Variants in IL7R observed in about 807,000 individuals in gnomAD.
IL7R encodes the protein interleukin-7 receptor subunit alpha.
A neutral mutation model predicts 47.0 loss-of-function variants in IL7R; 38 were observed. The ratio of observed to expected loss-of-function variants is 0.81; its 90% CI spans 0.62 to 1.06. IL7R has a LOEUF of 1.06. IL7R is among the 50% of genes least tolerant of loss of function. The pLI, the probability that IL7R is intolerant of heterozygous loss-of-function variation, is 0.00. For synonymous variants in IL7R, 221 were observed against 199.8 expected (o/e 1.11, Z -0.89); for missense variants, 633 against 534.8 (o/e 1.18, Z -1.81).
rs1366592704 is a variant in IL7R, at chr5:35,874,541, AG to A, written c.800+1del. ...VILACVLWKK[R>X]IKPIVWPSLP... Reference sequence around the variant, plus strand: ...CTTGGCCTGTGTGTTATGGAAAAAAAGGTGACCTTCTTCAACTAATAAAGAG... The same window carrying A: ...CTTGGCCTGTGTGTTATGGAAAAAAAGTGACCTTCTTCAACTAATAAAGAG... On this transcript the variant is annotated frameshift_variant and splice_region_variant, in exon 6 of 8. Coordinates refer to ENST00000303115, the MANE Select transcript of IL7R (RefSeq NM_002185.5). LOFTEE classifies it high-confidence loss of function. The A allele has an allele frequency of 1.2e-6, 2 of 1,604,768 alleles. No homozygotes were observed. The highest frequency in any genetic ancestry group is 2.7e-5 in the African/African-American group (2 of 74,708).
intron 2 of IL7R, among the ~76,000 whole-genome samples, chr5:35,862,001 A>C (rs917901403): frequency 2.0e-5 from 3 of 152,130 alleles, no homozygotes; most frequent in African/African-American, 7.2e-5. Context: ...ACAAGCCCTG[A>C]ATTCCAGTTT....
At chr5:35,861,272 C>A (rs73092050) in intron 2 of IL7R, among the ~76,000 whole-genome samples, 1 of 152,056 alleles carries the variant, frequency 6.6e-6, no homozygotes, top group Non-Finnish European at 1.5e-5. Flanking sequence ...TTAAATCCTG[C>A]GTCTCCTACA....
intron 5 of IL7R, 149 bp from the exon 6 acceptor site, chr5:35,874,300 A>G: frequency 1.4e-6 from 1 of 722,998 alleles, no homozygotes; most frequent in Non-Finnish European, 2.5e-6. Context: ...ATCCCTCCAT[A>G]AAGCTGTCAA....
chr5:35,875,296 T>TTGA (rs1453067950), intron 6 of IL7R: 1 of 603,740 alleles, frequency 1.7e-6, no homozygotes, highest in African/African-American at 1.8e-5. Context: ...ACAGAATGGA[T>TTGA]TGATATCTGT....
At chr5:35,872,931 T>C (rs181954895) in intron 4 of IL7R, among the ~76,000 whole-genome samples, 6 of 151,970 alleles carry the variant, frequency 3.9e-5, no homozygotes, top group Admixed American at 1.3e-4. Context: ...ATAGATAAAT[T>C]CAATAAATAT....
At chr5:35,860,321 C>T (rs1759769244) in intron 1 of IL7R, among the ~76,000 whole-genome samples, 1 of 152,022 alleles carries the variant, frequency 6.6e-6, no homozygotes, top group African/African-American at 2.4e-5. Context: ...GGAAAGTGAC[C>T]TCTTAAAAAA....
chr5:35,878,341 T>C lies in IL7R; in HGVS notation c.*1855T>C, dbSNP rs953683949. 8 of 233,162 alleles carry C rather than the reference T, an allele frequency of 3.4e-5. No individual in the cohort carries two copies. The highest frequency in any genetic ancestry group is 6.8e-5 in the Non-Finnish European group (8 of 118,036). The allele number at this position is 233,162 out of a possible 1,614,324, so 14.4% of individuals were successfully genotyped here. Reference sequence around the variant, plus strand: ...AAAGCCTGCTACATGTCAATCATACTGTTAGGCACAGGGGACCTAAAGACA... The same window carrying C: ...AAAGCCTGCTACATGTCAATCATACCGTTAGGCACAGGGGACCTAAAGACA... On this transcript the variant is annotated 3_prime_UTR_variant, in exon 8 of 8. Transcript: ENST00000303115.
intron 4 of IL7R, among the ~76,000 whole-genome samples, chr5:35,872,284 C>T (rs951532842): frequency 7.2e-5 from 11 of 152,222 alleles, no homozygotes; most frequent in African/African-American, 2.2e-4. Context: ...CTGCAACCTC[C>T]GCCTCCCGGG....
At chr5:35,873,682 G>A in intron 5 of IL7R, 34 bp downstream of exon 5, 2 of 1,600,780 alleles carry the variant, frequency 1.2e-6, no homozygotes, top group Non-Finnish European at 1.7e-6. Flanking sequence ...TGTTCCCTCA[G>A]AGTGCTTTGC....
chr5:35,875,739 G>T (rs1760190161), intron 7 of IL7R, 152 bp downstream of exon 7: 4 of 780,236 alleles, frequency 5.1e-6, no homozygotes, highest in Non-Finnish European at 6.7e-6. Flanking sequence ...CTGCAGTAGG[G>T]AACTGAAATA....
At chr5:35,866,435 T>C (rs903055724) in intron 2 of IL7R, among the ~76,000 whole-genome samples, 1 of 152,178 alleles carries the variant, frequency 6.6e-6, no homozygotes, top group African/African-American at 2.4e-5. Context: ...AGAAGGGTCA[T>C]TCCTCTTCCA....
chr5:35,873,740 T>A, intron 5 of IL7R, 92 bp downstream of exon 5: 1 of 1,169,958 alleles, frequency 8.5e-7, no homozygotes, highest in Non-Finnish European at 1.3e-6. Context: ...GAAACTAACC[T>A]GCAAAATAGG....
In IL7R at chr5:35,859,092, A is replaced by T. The variant is rs556093663; in HGVS notation, c.83-1760A>T. Among the ~76,000 whole-genome samples, 5 of 152,316 alleles carry T rather than the reference A, an allele frequency of 3.3e-5. No homozygotes were observed. The South Asian group carries it at 1.0e-3, about 32-fold the overall frequency. On this transcript the variant is annotated intron_variant, in intron 1 of 7. Transcript: ENST00000303115. ...CTCTGCCCCATAATATCTACTGAAA[A>T]GCCAGTGAGCTGCTTCCTAAAACAC...
At chr5:35,870,942 C>T in intron 3 of IL7R, 114 bp from the exon 4 acceptor site, 1 of 862,942 alleles carries the variant, frequency 1.2e-6, no homozygotes. Context: ...GAATAGTTGG[C>T]CATTTACTGA....
At chr5:35,858,671 G>A (rs529399830) in intron 1 of IL7R, among the ~76,000 whole-genome samples, 3 of 152,194 alleles carry the variant, frequency 2.0e-5, no homozygotes, top group South Asian at 2.1e-4. Flanking sequence ...AAGCTCAAAT[G>A]TTTCATGTAT....
At chr5:35,875,909 T>A in intron 7 of IL7R, 74 bp from the exon 8 acceptor site, 1 of 1,498,822 alleles carries the variant, frequency 6.7e-7, no homozygotes, top group Admixed American at 1.7e-5. Context: ...TCTATAGACC[T>A]ACTCCTGAAC....
At chr5:35,873,135 C>A in intron 4 of IL7R, 2 of 303,250 alleles carry the variant, frequency 6.6e-6, no homozygotes, top group South Asian at 7.2e-5. Context: ...TGCTCACTAA[C>A]CTAACCTAAC....
chr5:35,878,537 G>C lies in IL7R; in HGVS notation c.*2051G>C, dbSNP rs1760271354. 1 of 232,842 alleles carries C rather than the reference G, an allele frequency of 4.3e-6. No homozygotes were observed. The highest frequency in any genetic ancestry group is 1.8e-4 in the South Asian group (1 of 5,526). 14.4% of individuals were successfully genotyped at this position (232,842 alleles called of 1,614,324 possible). ...TGATGTAAATTTACATGGAGGAAAAGTAGAATCTGCCTGGTTTGTAGGCAG... is the reference window on the plus strand; with the variant it reads ...TGATGTAAATTTACATGGAGGAAAACTAGAATCTGCCTGGTTTGTAGGCAG... On this transcript the variant is annotated 3_prime_UTR_variant, in exon 8 of 8. Coordinates refer to ENST00000303115, the MANE Select transcript of IL7R (RefSeq NM_002185.5).
Position 35,876,073 on chromosome 5 carries a change from T to G in IL7R, c.967T>G (p.Phe323Val), listed in dbSNP as rs1209887173. 1 of 1,614,086 alleles carries G rather than the reference T, an allele frequency of 6.2e-7. No individual in the cohort carries two copies. The highest frequency in any genetic ancestry group is 8.5e-7 in the Non-Finnish European group (1 of 1,180,018). The change falls in exon 8 of 8, where the codon TTT becomes GTT. Residue 323 changes from phenylalanine (F) to valine (V), a missense_variant. Physicochemically the swap from Phe to Val is conservative, Grantham distance 50. Coordinates refer to ENST00000303115, the MANE Select transcript of IL7R (RefSeq NM_002185.5). ...DIQARDEVEGFLQDTFPQQLE... is the reference protein window; with the variant it reads ...DIQARDEVEGVLQDTFPQQLE... ...TCAAGCTAGAGATGAAGTGGAAGGT[T>G]TTCTGCAAGATACGTTTCCTCAGCA...
Sources: gnomAD v4.1 joint callset for allele counts (sites outside exome capture counted in the v4.1 genomes callset) on GRCh38, gnomAD v4.1.1 for gene constraint, MANE v1.5 for transcripts, NCBI Gene and HGNC (gene_info 2026-07-23, HGNC 2026-07-21) for gene names.